The following DIAPH3 variants were observed in gnomAD, a reference collection of about 807,000 sequenced individuals.
DIAPH3 encodes protein diaphanous homolog 3.
A neutral mutation model predicts 144.3 loss-of-function variants in DIAPH3; 117 were observed. That is an observed-to-expected ratio of 0.81 (90% CI 0.70 to 0.95). DIAPH3 has a LOEUF of 0.95. Among genes scored for constraint, DIAPH3 ranks in the 40% least tolerant of loss-of-function variants. The pLI, the probability that DIAPH3 is intolerant of heterozygous loss-of-function variation, is 0.00. For missense variants in DIAPH3, 1,421 were observed against 1,412.7 expected, an observed-to-expected ratio of 1.01 and a Z score of -0.09; for synonymous variants, 519 against 488.9, an observed-to-expected ratio of 1.06 and a Z score of -0.81.
intron 22 of DIAPH3, among the ~76,000 whole-genome samples, chr13:59,849,893 G>A (rs1053209857): frequency 3.4e-5 from 5 of 144,944 alleles, no homozygotes; most frequent in East Asian, 4.0e-4. Flanking sequence ...CATTGAATCT[G>A]TAAATTACCT....
chr13:59,992,287 A>G, intron 10 of DIAPH3, 101 bp from the exon 11 acceptor site: 1 of 1,112,186 alleles, frequency 9.0e-7, no homozygotes, highest in Non-Finnish European at 1.3e-6. Context: ...AACTTGATTT[A>G]TAGCATTCGA....
intron 5 of DIAPH3, among the ~76,000 whole-genome samples, chr13:60,028,699 T>A (rs1227142679): frequency 6.6e-6 from 1 of 152,052 alleles, no homozygotes; most frequent in African/African-American, 2.4e-5. Context: ...GACTCACACA[T>A]CTAGGGGTTT....
At chr13:59,680,055 A>C (rs1033607720) in intron 27 of DIAPH3, among the ~76,000 whole-genome samples, 2 of 152,210 alleles carry the variant, frequency 1.3e-5, no homozygotes, top group African/African-American at 4.8e-5. Context: ...GGTCAGTTCC[A>C]TTTGGTTTCT....
chr13:59,864,685 T>TA (rs2043810830), intron 21 of DIAPH3, among the ~76,000 whole-genome samples: 1 of 152,022 alleles, frequency 6.6e-6, no homozygotes, highest in Admixed American at 6.6e-5. Flanking sequence ...TGTAGCAACT[T>TA]AGTTTAATAA....
At chr13:59,703,944 C>T (rs2034266632) in intron 27 of DIAPH3, among the ~76,000 whole-genome samples, 1 of 152,168 alleles carries the variant, frequency 6.6e-6, no homozygotes, top group Admixed American at 6.5e-5. Context: ...TACTAATCTC[C>T]ATCCAGTCAG....
At chr13:59,963,659 A>C (rs2049893237) in intron 17 of DIAPH3, among the ~76,000 whole-genome samples, 4 of 152,056 alleles carry the variant, frequency 2.6e-5, no homozygotes, top group Admixed American at 2.6e-4. Flanking sequence ...GGGGGAGAAC[A>C]GGTAAATGAA....
chr13:59,788,646 A>C (rs972740713), intron 25 of DIAPH3, among the ~76,000 whole-genome samples: 8 of 152,204 alleles, frequency 5.3e-5, no homozygotes, highest in African/African-American at 1.9e-4. Context: ...TGACTAAATA[A>C]ACTATGACAT....
chr13:59,983,538 C>T (rs868259557), intron 13 of DIAPH3, among the ~76,000 whole-genome samples: 33 of 151,652 alleles, frequency 2.2e-4, no homozygotes, highest in African/African-American at 8.0e-4. Context: ...AGTGCCACTG[C>T]CTTGATTCAT....
chr13:59,825,724 C>A (rs1593568433), intron 24 of DIAPH3, among the ~76,000 whole-genome samples: 1 of 152,262 alleles, frequency 6.6e-6, no homozygotes, highest in African/African-American at 2.4e-5. Context: ...TAATAATTGC[C>A]ATTCTAACTG....
At chr13:59,822,614 T>C (rs773367104) in intron 24 of DIAPH3, among the ~76,000 whole-genome samples, 1 of 151,978 alleles carries the variant, frequency 6.6e-6, no homozygotes, top group East Asian at 1.9e-4. Context: ...CTAATTTTTT[T>C]TTGTATTTTA....
At chr13:59,791,371 C>G (rs113445076) in intron 25 of DIAPH3, among the ~76,000 whole-genome samples, 3 of 152,062 alleles carry the variant, frequency 2.0e-5, no homozygotes, top group African/African-American at 7.2e-5. Context: ...GATTGAATGC[C>G]TATGTGCTAG....
intron 24 of DIAPH3, among the ~76,000 whole-genome samples, chr13:59,818,346 G>C (rs1037046737): frequency 4.6e-5 from 7 of 151,800 alleles, no homozygotes; most frequent in African/African-American, 1.7e-4. Context: ...TCTTTTGCTG[G>C]ATACCCCAAA....
chr13:59,865,573 G>T (rs1402940769), intron 21 of DIAPH3, among the ~76,000 whole-genome samples: 1 of 151,928 alleles, frequency 6.6e-6, no homozygotes, highest in Non-Finnish European at 1.5e-5. Flanking sequence ...TCCTATTTAT[G>T]TATTGTTTCT....
chr13:59,903,626 AG>A (rs1453464393), intron 20 of DIAPH3, among the ~76,000 whole-genome samples: 1 of 151,894 alleles, frequency 6.6e-6, no homozygotes, highest in Non-Finnish European at 1.5e-5. Flanking sequence ...AAAAAAAAAA[AG>A]TGTGAATTAT....
intron 17 of DIAPH3, among the ~76,000 whole-genome samples, chr13:59,927,421 T>C (rs1737947544): frequency 6.6e-6 from 1 of 152,200 alleles, no homozygotes; most frequent in African/African-American, 2.4e-5. Flanking sequence ...TTTATCTTTG[T>C]AGTTTGGTGG....
At chr13:60,035,808 C>G (rs561630280) in intron 5 of DIAPH3, among the ~76,000 whole-genome samples, 2 of 152,154 alleles carry the variant, frequency 1.3e-5, no homozygotes, top group South Asian at 4.1e-4. Context: ...GAAAAAATGC[C>G]TTTAAGAGGT....
Position 59,666,425 on chromosome 13 carries a change from A to G in DIAPH3, c.*159T>C, listed in dbSNP as rs568516598. 17 of 868,160 alleles carry G rather than the reference A, an allele frequency of 2.0e-5. No homozygotes were observed. In the East Asian group the frequency reaches 4.4e-4, roughly 22 times the overall value. The allele number at this position is 868,160 out of a possible 1,614,324, so 53.8% of individuals were successfully genotyped here. On this transcript the variant is annotated 3_prime_UTR_variant, in exon 28 of 28. Transcript: ENST00000400324. The stretch of plus-strand genomic sequence containing the variant: ...TAAACCAAAACCTCCAGTACATAGA[A>G]AAAGCATTGCAATCATATATTTAGC...
At chr13:59,907,794 G>C (rs2140216272) in intron 20 of DIAPH3, among the ~76,000 whole-genome samples, 1 of 152,266 alleles carries the variant, frequency 6.6e-6, no homozygotes, top group African/African-American at 2.4e-5. Flanking sequence ...ACCACAAAAA[G>C]TATCCATGTC....
intron 20 of DIAPH3, among the ~76,000 whole-genome samples, chr13:59,880,002 C>A (rs535316026): frequency 1.3e-5 from 2 of 152,086 alleles, no homozygotes; most frequent in Non-Finnish European, 2.9e-5. Flanking sequence ...TCTTCAGAAA[C>A]ACAGGAAAGT....
Sources: gnomAD v4.1 joint callset for allele counts (sites outside exome capture counted in the v4.1 genomes callset) on GRCh38, gnomAD v4.1.1 for gene constraint, MANE v1.5 for transcripts, NCBI Gene and HGNC (gene_info 2026-07-23, HGNC 2026-07-21) for gene names.